The following SEMA5A variants were observed in gnomAD, a reference collection of about 807,000 sequenced individuals.
SEMA5A encodes semaphorin 5A, also known as semaphorin-5A.
In SEMA5A, 55 loss-of-function variants were observed where a neutral mutation model predicts 135.5. The observed-to-expected ratio is 0.41, with a 90% confidence interval of 0.33 to 0.51. SEMA5A has a LOEUF of 0.51. SEMA5A is among the 20% of genes least tolerant of loss of function. The pLI, the probability that SEMA5A is intolerant of heterozygous loss-of-function variation, is 0.37. For synonymous variants in SEMA5A, 580 were observed against 546.5 expected, an observed-to-expected ratio of 1.06 and a Z score of -0.85; for missense variants, 1,290 against 1,419.9, an observed-to-expected ratio of 0.91 and a Z score of 1.47.
chr5:9,110,853 C>T (rs1165433250), intron 15 of SEMA5A, among the ~76,000 whole-genome samples: 1 of 152,068 alleles, frequency 6.6e-6, no homozygotes, highest in Non-Finnish European at 1.5e-5. Context: ...GGGTCCTATT[C>T]TCAGAGCTCA....
chr5:9,355,092 C>T (rs868790341), intron 3 of SEMA5A, among the ~76,000 whole-genome samples: 10 of 152,272 alleles, frequency 6.6e-5, no homozygotes, highest in Admixed American at 1.3e-4. Flanking sequence ...GTATTTTAGG[C>T]TTTGTGGGAA....
At chr5:9,353,060 G>GAAGGAAAGGAAAGGA (rs145299714) in intron 3 of SEMA5A, among the ~76,000 whole-genome samples, 3 of 36,530 alleles carry the variant, frequency 8.2e-5, no homozygotes, top group African/African-American at 4.1e-4. Flanking sequence ...GAAAGGAAAG[G>GAAGGAAAGGAAAGGA]AAGGAAAGGA....
chr5:9,220,847 G>A (rs890571052), intron 8 of SEMA5A, among the ~76,000 whole-genome samples: 7 of 152,178 alleles, frequency 4.6e-5, no homozygotes, highest in African/African-American at 1.7e-4. Flanking sequence ...ACTAGACACT[G>A]TGGGACTGGG....
chr5:9,355,638 G>A lies in SEMA5A; in HGVS notation c.125-17826C>T, dbSNP rs774675112. Among the ~76,000 whole-genome samples the A allele has an allele frequency of 1.0e-3, 155 of 152,152 alleles. 1 individual carries two copies. Among genetic ancestry groups the A allele is most frequent in the Non-Finnish European group, 2.5e-4 (17 of 68,022 alleles). ...GAAATTGCAATGGAGAGGTGAGTAAGGTGGGAACAGAGAAGTCCTGGAGCT... is the reference window on the plus strand; with the variant it reads ...GAAATTGCAATGGAGAGGTGAGTAAAGTGGGAACAGAGAAGTCCTGGAGCT... On this transcript the variant is annotated intron_variant, in intron 3 of 22. Coordinates refer to ENST00000382496, the MANE Select transcript of SEMA5A (RefSeq NM_003966.3).
intron 4 of SEMA5A, among the ~76,000 whole-genome samples, chr5:9,333,416 T>C (rs563376437): frequency 6.6e-6 from 1 of 152,356 alleles, no homozygotes; most frequent in African/African-American, 2.4e-5. Flanking sequence ...AATACTTGGA[T>C]TCAGCACAGA....
chr5:9,168,549 G>T (rs968120326), intron 11 of SEMA5A, among the ~76,000 whole-genome samples: 7 of 152,120 alleles, frequency 4.6e-5, no homozygotes, highest in African/African-American at 1.7e-4. Flanking sequence ...AGGATGCCAC[G>T]GCCAAGGGCC....
intron 2 of SEMA5A, among the ~76,000 whole-genome samples, chr5:9,388,486 AAAAG>A (rs1755995763): frequency 6.6e-6 from 1 of 152,042 alleles, no homozygotes; most frequent in African/African-American, 2.4e-5. Context: ...AAAAAAAAGA[AAAAG>A]AAAAAAGTAC....
intron 12 of SEMA5A, among the ~76,000 whole-genome samples, chr5:9,148,499 C>T (rs1742460724): frequency 6.6e-6 from 1 of 152,158 alleles, no homozygotes; most frequent in South Asian, 2.1e-4. Context: ...TGAGGAACTG[C>T]TGCAAAACCA....
chr5:9,194,885 C>CTG (rs1351666281), intron 10 of SEMA5A, among the ~76,000 whole-genome samples: 2 of 152,126 alleles, frequency 1.3e-5, no homozygotes, highest in African/African-American at 4.8e-5. Context: ...ATGAGATTTG[C>CTG]TGTGTGCTGC....
intron 7 of SEMA5A, among the ~76,000 whole-genome samples, chr5:9,226,603 G>A (rs1378716393): frequency 6.6e-6 from 1 of 152,060 alleles, no homozygotes; most frequent in Non-Finnish European, 1.5e-5. Flanking sequence ...AAAGTCACTG[G>A]TGGAAAAAAA....
chr5:9,540,744 C>T (rs75336098), intron 1 of SEMA5A, among the ~76,000 whole-genome samples: 14,660 of 152,228 alleles, frequency 0.096, 959 homozygotes, highest in Non-Finnish European at 0.14. Context: ...GCCTCCGAAG[C>T]GTTCTCTTTC....
At chr5:9,329,529 T>C (rs1041713829) in intron 4 of SEMA5A, among the ~76,000 whole-genome samples, 15 of 152,342 alleles carry the variant, frequency 9.8e-5, no homozygotes, top group African/African-American at 2.4e-4. Flanking sequence ...TGGCATAAAG[T>C]AGGTTCAATA....
chr5:9,141,551 G>A (rs759345426), intron 12 of SEMA5A, among the ~76,000 whole-genome samples: 3 of 152,022 alleles, frequency 2.0e-5, no homozygotes, highest in Admixed American at 1.3e-4. Flanking sequence ...GTCAGAATCC[G>A]AAGGTTTAAT....
intron 13 of SEMA5A, among the ~76,000 whole-genome samples, chr5:9,129,730 A>G (rs1741305588): frequency 6.6e-6 from 1 of 152,140 alleles, no homozygotes; most frequent in Admixed American, 6.5e-5. Flanking sequence ...TAAACATTAG[A>G]CCTTAGTGAG....
In SEMA5A at chr5:9,176,213, T is replaced by G. The variant is rs568600438; in HGVS notation, c.1273+14054A>C. On this transcript the variant is annotated intron_variant, in intron 11 of 22. Transcript: ENST00000382496. The stretch of plus-strand genomic sequence containing the variant: ...GCCTCTCTGAGAAGAGAGGCTCTCC[T>G]TGCTGGTTGCATAGAGTAAGTGGCC... Among the ~76,000 whole-genome samples the G allele has an allele frequency of 6.0e-4, 92 of 152,328 alleles. 1 individual carries two copies. The highest frequency in any genetic ancestry group is 1.9e-3 in the African/African-American group (81 of 41,570).
intron 16 of SEMA5A, 146 bp downstream of exon 16, chr5:9,107,994 G>T: frequency 1.0e-6 from 1 of 981,120 alleles, no homozygotes; most frequent in Non-Finnish European, 1.5e-6. Context: ...AGTGTTTGCA[G>T]TGTACCAAAT....
chr5:9,354,315 G>A (rs959949656), intron 3 of SEMA5A, among the ~76,000 whole-genome samples: 2 of 152,160 alleles, frequency 1.3e-5, no homozygotes, highest in Non-Finnish European at 2.9e-5. Flanking sequence ...TGTATTTACA[G>A]CCCCACTGAC....
chr5:9,366,146 AT>A (rs1352651954), intron 3 of SEMA5A, among the ~76,000 whole-genome samples: 2 of 152,226 alleles, frequency 1.3e-5, no homozygotes, highest in Non-Finnish European at 2.9e-5. Flanking sequence ...TAAAACATGT[AT>A]GTTAATATTT....
At chr5:9,089,340 C>T (rs546211539) in intron 16 of SEMA5A, among the ~76,000 whole-genome samples, 1 of 152,108 alleles carries the variant, frequency 6.6e-6, no homozygotes, top group Non-Finnish European at 1.5e-5. Context: ...TAACTCTTTA[C>T]TCAATAAACA....
Sources: allele counts gnomAD v4.1 joint callset (sites outside exome capture counted in the v4.1 genomes callset), GRCh38; gene constraint gnomAD v4.1.1; transcripts MANE v1.5; gene names NCBI Gene and HGNC (gene_info 2026-07-23, HGNC 2026-07-21).